The following CAMTA1 variants were observed in gnomAD, a reference collection of about 807,000 sequenced individuals.
CAMTA1 encodes calmodulin binding transcription activator 1.
Under a neutral mutation model 170.9 loss-of-function variants are expected in CAMTA1, and 27 were observed. The observed-to-expected ratio is 0.16, with a 90% CI of 0.12 to 0.22. The LOEUF is 0.22. Ranked by LOEUF, CAMTA1 falls within the 10% of genes least tolerant of loss-of-function variation. The probability of loss-of-function intolerance (pLI) is 1.00; values close to 1 mark genes in which losing one functional copy is unlikely to be tolerated. For missense variants in CAMTA1, 1,619 were observed against 2,217.2 expected (o/e 0.73, Z 5.42); for synonymous variants, 833 against 891.5 (o/e 0.93, Z 1.17).
rs140719303 is a variant in CAMTA1 at position 6,956,806 on chromosome 1, A to G, written c.234+131596A>G. 2.1e-3 allele frequency among the ~76,000 whole-genome samples: 323 copies of G among 152,374 alleles called. 1 individual carries two copies. Among genetic ancestry groups the G allele is most frequent in the African/African-American group, 7.6e-3 (316 of 41,586 alleles). On this transcript the variant is annotated intron_variant, in intron 3 of 22. Transcript: ENST00000303635. The stretch of plus-strand genomic sequence containing the variant: ...TCTGTCGGGACTGTGGGAGCAGAGC[A>G]TCTGCCTGACAAGCTGACACCAGGG...
At chr1:7,652,297 G>A (rs892620944) in intron 7 of CAMTA1, among the ~76,000 whole-genome samples, 7 of 152,088 alleles carry the variant, frequency 4.6e-5, no homozygotes, top group African/African-American at 1.7e-4. Flanking sequence ...AGCCTCCCAG[G>A]TTTTCTTCCC....
In CAMTA1 at chr1:7,065,015, A is replaced by G. The variant is rs1406127430; in HGVS notation, c.235-26289A>G. Among the ~76,000 whole-genome samples, 1 of 152,188 alleles carries G rather than the reference A, an allele frequency of 6.6e-6. No homozygotes were observed. Among genetic ancestry groups the G allele is most frequent in the Non-Finnish European group, 1.5e-5 (1 of 68,030 alleles). ...AGGTCACCAGCAGTGTCATCTACCG[A>G]GAAGGCAAAGCCTGGGGAAAAACAG... On this transcript the variant is annotated intron_variant, in intron 3 of 22. Coordinates refer to ENST00000303635, the MANE Select transcript of CAMTA1 (RefSeq NM_015215.4). This position sits in a 1 kb window ranked among gnomAD's most constrained non-coding sequence, Gnocchi z 5.2.
intron 3 of CAMTA1, among the ~76,000 whole-genome samples, chr1:6,966,038 G>A (rs910212335): frequency 1.3e-5 from 2 of 152,026 alleles, no homozygotes; most frequent in South Asian, 2.1e-4. Context: ...GGACACCATC[G>A]GGAGAGGAGA....
intron 19 of CAMTA1, among the ~76,000 whole-genome samples, chr1:7,750,557 G>A (rs1049858755): frequency 3.1e-4 from 47 of 152,254 alleles, no homozygotes; most frequent in African/African-American, 1.1e-3. Context: ...AGCGGGCTGC[G>A]TGGAGGACTC....
chr1:7,360,301 T>C (rs1018852547), intron 5 of CAMTA1, among the ~76,000 whole-genome samples: 6 of 152,176 alleles, frequency 3.9e-5, no homozygotes, highest in African/African-American at 1.2e-4. Flanking sequence ...CCTGTTCACA[T>C]GGGGGCTGGG....
At chr1:7,255,256 T>C (rs1667191392) in intron 5 of CAMTA1, among the ~76,000 whole-genome samples, 1 of 152,032 alleles carries the variant, frequency 6.6e-6, no homozygotes, top group Admixed American at 6.5e-5. Flanking sequence ...CTGCATGTTC[T>C]GCACATGTAC....
chr1:6,965,093 G>T lies in CAMTA1; in HGVS notation c.235-126211G>T, dbSNP rs892110422. On this transcript the variant is annotated intron_variant, in intron 3 of 22. Transcript: ENST00000303635. This position sits in a 1 kb window ranked among gnomAD's most constrained non-coding sequence, Gnocchi z 4.1. ...TCTCTTACTTGGGTGCATGGTGCTG[G>T]CAAGGAAGAAGCAGGGCCAGCGGAA... is the stretch of plus-strand genomic sequence containing the variant. 6.6e-6 allele frequency among the ~76,000 whole-genome samples: 1 copy of T among 152,332 alleles called. No homozygotes were observed. Among genetic ancestry groups the T allele is most frequent in the African/African-American group, 2.4e-5 (1 of 41,570 alleles).
chr1:6,926,488 C>CTTTCTTTCTTTCTT (rs749163108), intron 3 of CAMTA1, among the ~76,000 whole-genome samples: 3 of 125,766 alleles, frequency 2.4e-5, no homozygotes, highest in South Asian at 5.2e-4. Context: ...TTCTTTCTTT[C>CTTTCTTTCTTTCTT]TCTCTCTCTT....
intron 3 of CAMTA1, chr1:6,852,969 T>TCATAA (rs1660984689): frequency 1.1e-5 from 1 of 88,776 alleles, no homozygotes; most frequent in Non-Finnish European, 2.5e-5. Flanking sequence ...CAGGTATGTC[T>TCATAA]GCTCTTCTTA....
At chr1:7,229,207 C>T (rs1574045484) in intron 4 of CAMTA1, among the ~76,000 whole-genome samples, 1 of 151,572 alleles carries the variant, frequency 6.6e-6, no homozygotes, top group East Asian at 2.0e-4. Context: ...TGCTGTCCTT[C>T]CATCCTCCCT....
At chr1:6,886,978 TCTATGAAACTGGC>T (rs1271911247) in intron 3 of CAMTA1, among the ~76,000 whole-genome samples, 2 of 152,234 alleles carry the variant, frequency 1.3e-5, no homozygotes, top group Non-Finnish European at 2.9e-5. Context: ...ATTCTTCTAA[TCTATGAAACTGGC>T]CCAGGAAGTA....
chr1:7,157,958 G>A (rs1290930305), intron 4 of CAMTA1, among the ~76,000 whole-genome samples: 1 of 152,300 alleles, frequency 6.6e-6, no homozygotes, highest in Non-Finnish European at 1.5e-5. Context: ...AGGAGATCGA[G>A]ACCATCCTGA....
rs1655306946 is a variant in CAMTA1, at chr1:7,195,269, C to G, written c.303-54222C>G. Among the ~76,000 whole-genome samples the G allele has an allele frequency of 6.6e-6, 1 of 152,162 alleles. No homozygotes were observed. The highest frequency in any genetic ancestry group is 2.4e-5 in the African/African-American group (1 of 41,436). On this transcript the variant is annotated intron_variant, in intron 4 of 22. Transcript: ENST00000303635. The surrounding 1 kb of genome is among the most constrained non-coding windows in gnomAD (Gnocchi z 4.1). Reference sequence around the variant, plus strand: ...TCACACCATTCGACATTTGGGGTGACCAAGTCATGCACTCTGACCAGTGAA... The same window carrying G: ...TCACACCATTCGACATTTGGGGTGAGCAAGTCATGCACTCTGACCAGTGAA...
At chr1:6,895,109 A>T (rs1255516316) in intron 3 of CAMTA1, among the ~76,000 whole-genome samples, 1 of 152,206 alleles carries the variant, frequency 6.6e-6, no homozygotes, top group Non-Finnish European at 1.5e-5. Context: ...ATTAACACTT[A>T]AATCTGCCTT....
At chr1:7,617,523 G>A (rs1402187078) in intron 6 of CAMTA1, among the ~76,000 whole-genome samples, 5 of 152,030 alleles carry the variant, frequency 3.3e-5, no homozygotes, top group African/African-American at 1.2e-4. Context: ...CAGGCTCTAG[G>A]GCCAGCATAT....
chr1:7,567,809 C>T (rs1454013091), intron 6 of CAMTA1, among the ~76,000 whole-genome samples: 1 of 152,196 alleles, frequency 6.6e-6, no homozygotes, highest in Admixed American at 6.5e-5. Context: ...TCAATCACCA[C>T]CCATTGAAAG....
chr1:6,967,984 C>T (rs762113752), intron 3 of CAMTA1, among the ~76,000 whole-genome samples: 2 of 152,144 alleles, frequency 1.3e-5, no homozygotes, highest in Admixed American at 6.5e-5. Flanking sequence ...AACCAGAGGG[C>T]ACATTATAAA....
Position 7,580,964 on chromosome 1 carries a change from AG to A in CAMTA1, c.511-59434del, listed in dbSNP as rs1456000212. Among the ~76,000 whole-genome samples, 5 of 152,174 alleles carry A rather than the reference AG, an allele frequency of 3.3e-5. No individual in the cohort carries two copies. Among genetic ancestry groups the A allele is most frequent in the African/African-American group, 9.7e-5 (4 of 41,450 alleles). On this transcript the variant is annotated intron_variant, in intron 6 of 22. Coordinates refer to ENST00000303635, the MANE Select transcript of CAMTA1 (RefSeq NM_015215.4). The surrounding 1 kb of genome is among the most constrained non-coding windows in gnomAD (Gnocchi z 4.3). ...GGATAATAATAGAAAATACCCTAAAAGGTTGTTGAGAAAATGGAACGACTGC... is the reference window on the plus strand; with the variant it reads ...GGATAATAATAGAAAATACCCTAAAAGTTGTTGAGAAAATGGAACGACTGC...
intron 6 of CAMTA1, among the ~76,000 whole-genome samples, chr1:7,586,126 A>C (rs2095307627): frequency 6.6e-6 from 1 of 151,990 alleles, no homozygotes; most frequent in South Asian, 2.1e-4. Context: ...ACTCCCAGCC[A>C]GGCTCCACTC....
Sources: allele counts gnomAD v4.1 joint callset (sites outside exome capture counted in the v4.1 genomes callset), GRCh38; gene constraint gnomAD v4.1.1; non-coding constraint Gnocchi (gnomAD v3.1); transcripts MANE v1.5; gene names NCBI Gene and HGNC (gene_info 2026-07-23, HGNC 2026-07-21).